The following TMEM200A variants were observed in gnomAD, a reference collection of about 807,000 sequenced individuals.
TMEM200A encodes the protein two transmembrane C.
TMEM200A carries 12 observed loss-of-function variants against 24.3 expected under a neutral mutation model. That is an observed-to-expected ratio of 0.49 (90% CI 0.32 to 0.80). The LOEUF is 0.80. TMEM200A is among the 30% of genes least tolerant of loss of function. The pLI, the probability that TMEM200A is intolerant of heterozygous loss-of-function variation, is 0.04. For synonymous variants in TMEM200A, 224 were observed against 224.4 expected (o/e 1.00, Z 0.02); for missense variants, 545 against 614.4 (o/e 0.89, Z 1.19).
chr6:130,365,707 G>GA, upstream of TMEM200A: 24 of 985,512 alleles, frequency 2.4e-5, no homozygotes, highest in Non-Finnish European at 2.9e-5. Flanking sequence ...AGCCCGGGAA[G>GA]AGCGCCTGCA....
At chr6:130,400,570 T>C (rs144543442) in intron 2 of TMEM200A, among the ~76,000 whole-genome samples, 79 of 152,036 alleles carry the variant, frequency 5.2e-4, no homozygotes, top group African/African-American at 1.8e-3. Context: ...TTTTCATATG[T>C]AAGCCCTGAG....
chr6:130,382,807 G>T (rs1778631146), intron 1 of TMEM200A, among the ~76,000 whole-genome samples: 1 of 152,156 alleles, frequency 6.6e-6, no homozygotes, highest in South Asian at 2.1e-4. Context: ...GGTAATGACT[G>T]AGCCCCACTA....
At position 130,390,403 on chromosome 6, in the gene TMEM200A, G is replaced by A. The variant is rs77173308; in HGVS notation, c.-17+5167G>A. ...ACCATATCATCTGAATGTAACACAC[G>A]TTGTGTATCAGAGCAGCCCTATGTG... On this transcript the variant is annotated intron_variant, in intron 2 of 2. Transcript: ENST00000296978. Among the ~76,000 whole-genome samples, 62 of 152,332 alleles carry A rather than the reference G, an allele frequency of 4.1e-4. No homozygotes were observed. The East Asian group carries it at 0.011, about 27-fold the overall frequency.
intron 2 of TMEM200A, among the ~76,000 whole-genome samples, chr6:130,428,117 G>A (rs541191827): frequency 1.3e-5 from 2 of 152,132 alleles, no homozygotes; most frequent in East Asian, 1.9e-4. Flanking sequence ...TCTGATTTTT[G>A]TTATATTCCT....
At chr6:130,384,933 A>C (rs529321949) in intron 1 of TMEM200A, among the ~76,000 whole-genome samples, 83 of 152,274 alleles carry the variant, frequency 5.5e-4, no homozygotes, top group African/African-American at 1.8e-3. Context: ...TTTGGAGTAC[A>C]TTTATTATCT....
At chr6:130,383,191 C>T (rs756421577) in intron 1 of TMEM200A, 45 of 377,182 alleles carry the variant, frequency 1.2e-4, no homozygotes, top group East Asian at 4.9e-4. Flanking sequence ...CTGAGGAACA[C>T]GTCATATCAA....
At chr6:130,381,589 A>G (rs950680563) in intron 1 of TMEM200A, among the ~76,000 whole-genome samples, 2 of 152,240 alleles carry the variant, frequency 1.3e-5, no homozygotes, top group East Asian at 3.9e-4. Flanking sequence ...CAGTACAACA[A>G]TCAGAGAATG....
intron 2 of TMEM200A, among the ~76,000 whole-genome samples, chr6:130,418,397 G>C (rs531434539): frequency 6.6e-6 from 1 of 152,218 alleles, no homozygotes; most frequent in Non-Finnish European, 1.5e-5. Context: ...TTTTTCTAGA[G>C]CCACTCATGA....
chr6:130,424,871 T>C (rs1779691732), intron 2 of TMEM200A, among the ~76,000 whole-genome samples: 1 of 152,178 alleles, frequency 6.6e-6, no homozygotes, highest in Non-Finnish European at 1.5e-5. Context: ...AATCAATTCA[T>C]GCTATGCTAG....
At chr6:130,382,053 AT>A (rs572651493) in intron 1 of TMEM200A, 47 of 824,460 alleles carry the variant, frequency 5.7e-5, no homozygotes, top group East Asian at 1.2e-4. Context: ...TTCAGTTGAG[AT>A]TTTTTTTGGA....
intron 2 of TMEM200A, among the ~76,000 whole-genome samples, chr6:130,386,476 C>A (rs931444677): frequency 6.6e-6 from 1 of 152,140 alleles, no homozygotes; most frequent in Non-Finnish European, 1.5e-5. Flanking sequence ...AAGACTGGCA[C>A]CTGGGAATTG....
intron 2 of TMEM200A, among the ~76,000 whole-genome samples, chr6:130,423,832 C>T (rs977956426): frequency 3.3e-5 from 5 of 152,030 alleles, no homozygotes; most frequent in South Asian, 4.1e-4. Context: ...GCTTGATTTA[C>T]GCATTAGGTG....
chr6:130,423,840 G>A (rs1779661478), intron 2 of TMEM200A, among the ~76,000 whole-genome samples: 1 of 152,008 alleles, frequency 6.6e-6, no homozygotes, highest in Admixed American at 6.6e-5. Context: ...TACGCATTAG[G>A]TGGTATGTGT....
intron 2 of TMEM200A, among the ~76,000 whole-genome samples, chr6:130,411,708 TTGTTAGATTCA>T (rs952769749): frequency 3.3e-5 from 5 of 152,218 alleles, no homozygotes; most frequent in African/African-American, 1.2e-4. Context: ...TGCTTGCTTG[TTGTTAGATTCA>T]GGTTTGGCAG....
intron 2 of TMEM200A, among the ~76,000 whole-genome samples, chr6:130,408,000 C>G (rs1340596981): frequency 2.6e-5 from 4 of 152,182 alleles, no homozygotes; most frequent in Non-Finnish European, 5.9e-5. Flanking sequence ...ATTTTGAGCA[C>G]TTACTATGCT....
intron 2 of TMEM200A, among the ~76,000 whole-genome samples, chr6:130,424,951 T>C (rs1257688081): frequency 6.6e-6 from 1 of 152,160 alleles, no homozygotes; most frequent in Admixed American, 6.6e-5. Context: ...CCTCCTTTCT[T>C]TGAAAACAGC....
intron 1 of TMEM200A, among the ~76,000 whole-genome samples, chr6:130,372,065 G>A (rs1415110869): frequency 6.6e-6 from 1 of 152,228 alleles, no homozygotes; most frequent in East Asian, 1.9e-4. Flanking sequence ...AGAAGGTTAA[G>A]TGACTTGCCC....
chr6:130,430,050 C>T (rs1443380361), intron 2 of TMEM200A, among the ~76,000 whole-genome samples: 6 of 152,088 alleles, frequency 3.9e-5, no homozygotes, highest in Admixed American at 1.3e-4. Context: ...GTGGAGTGTC[C>T]TACTTTGTTC....
At chr6:130,421,917 G>GTA in intron 2 of TMEM200A, among the ~76,000 whole-genome samples, 1 of 152,062 alleles carries the variant, frequency 6.6e-6, no homozygotes, top group Non-Finnish European at 1.5e-5. Context: ...GTGTATATAT[G>GTA]TATATATACA....
Sources: gnomAD v4.1 joint callset for allele counts (sites outside exome capture counted in the v4.1 genomes callset) on GRCh38, gnomAD v4.1.1 for gene constraint, MANE v1.5 for transcripts, NCBI Gene and HGNC (gene_info 2026-07-23, HGNC 2026-07-21) for gene names.